TMEM132C: variants seen among roughly 807,000 people sequenced by gnomAD.
TMEM132C encodes the protein transmembrane protein 132C.
A neutral mutation model predicts 61.4 loss-of-function variants in TMEM132C; 29 were observed. The ratio of observed to expected loss-of-function variants is 0.47; its 90% CI spans 0.35 to 0.64. The LOEUF is 0.64. Ranked by LOEUF, TMEM132C falls within the 30% of genes least tolerant of loss-of-function variation. The pLI, the probability that TMEM132C is intolerant of heterozygous loss-of-function variation, is 0.00. For missense variants in TMEM132C, 1,408 were observed against 1,476.9 expected (o/e 0.95, Z 0.76); for synonymous variants, 656 against 633.1 (o/e 1.04, Z -0.54).
intron 2 of TMEM132C, among the ~76,000 whole-genome samples, chr12:128,496,145 A>T (rs1002610825): frequency 6.6e-6 from 1 of 152,184 alleles, no homozygotes; most frequent in East Asian, 1.9e-4. Flanking sequence ...TTCTTTAAGA[A>T]TGTTGAATAT....
At chr12:128,572,315 G>A (rs1874919530) in intron 3 of TMEM132C, among the ~76,000 whole-genome samples, 1 of 146,218 alleles carries the variant, frequency 6.8e-6, no homozygotes, top group South Asian at 2.1e-4. Flanking sequence ...TCTCAGATTG[G>A]CCAGACCTGT....
At chr12:128,493,169 G>A (rs1475051215) in intron 2 of TMEM132C, among the ~76,000 whole-genome samples, 50 of 152,132 alleles carry the variant, frequency 3.3e-4, no homozygotes, top group Admixed American at 1.8e-3. Flanking sequence ...TAGATGTGTA[G>A]TATTATTTCT....
chr12:128,445,221 T>C (rs1402717284), intron 2 of TMEM132C, among the ~76,000 whole-genome samples: 2 of 152,272 alleles, frequency 1.3e-5, no homozygotes, highest in African/African-American at 2.4e-5. Flanking sequence ...ACAACTTTTT[T>C]CCCTCCAGAT....
At chr12:128,521,410 T>G (rs1448943117) in intron 2 of TMEM132C, among the ~76,000 whole-genome samples, 2 of 151,742 alleles carry the variant, frequency 1.3e-5, no homozygotes, top group Admixed American at 6.6e-5. Flanking sequence ...AACTCATCAT[T>G]TACATTAGGT....
chr12:128,402,736 C>T (rs1875210408), intron 1 of TMEM132C, among the ~76,000 whole-genome samples: 1 of 152,232 alleles, frequency 6.6e-6, no homozygotes, highest in Admixed American at 6.5e-5. Flanking sequence ...CTGAGCTTAA[C>T]TTGCGGAAAC....
chr12:128,271,194 C>T (rs1461176513), intron 1 of TMEM132C, among the ~76,000 whole-genome samples: 2 of 151,466 alleles, frequency 1.3e-5, no homozygotes, highest in African/African-American at 4.8e-5. Context: ...TTGGAGGTTG[C>T]AGTGAGCCAA....
chr12:128,689,941 G>A (rs149881463), intron 5 of TMEM132C, among the ~76,000 whole-genome samples: 1 of 152,316 alleles, frequency 6.6e-6, no homozygotes, highest in African/African-American at 2.4e-5. Context: ...GCTAGATGAC[G>A]ATTCAGGCCA....
At chr12:128,404,792 G>A (rs998992319) in intron 1 of TMEM132C, 1 of 152,244 alleles carries the variant, frequency 6.6e-6, no homozygotes, top group Non-Finnish European at 1.5e-5. Context: ...ATCCTGTCTG[G>A]GCACTGAGTG....
At chr12:128,395,377 C>T (rs55811680) in intron 1 of TMEM132C, among the ~76,000 whole-genome samples, 33,078 of 152,042 alleles carry the variant, frequency 0.22, 3,898 homozygotes, top group Middle Eastern at 0.27. Flanking sequence ...TATCCACTCT[C>T]GCCTCCCTCC....
At chr12:128,340,882 TTC>T (rs1872947705) in intron 1 of TMEM132C, among the ~76,000 whole-genome samples, 2 of 148,262 alleles carry the variant, frequency 1.3e-5, no homozygotes, top group African/African-American at 5.1e-5. Context: ...CCTTTCTTTT[TTC>T]TTTTTCTTTC....
intron 1 of TMEM132C, among the ~76,000 whole-genome samples, chr12:128,409,880 G>A (rs1022470471): frequency 3.3e-5 from 5 of 152,198 alleles, no homozygotes; most frequent in African/African-American, 4.8e-5. Flanking sequence ...CTTTCTCCCC[G>A]GCTAAGAAAG....
chr12:128,548,133 G>A (rs1042261062), intron 3 of TMEM132C, among the ~76,000 whole-genome samples: 21 of 152,168 alleles, frequency 1.4e-4, no homozygotes, highest in Non-Finnish European at 2.9e-4. Flanking sequence ...CAAGGGCTCT[G>A]AAAGTCATTC....
At chr12:128,447,385 G>A (rs1353833407) in intron 2 of TMEM132C, among the ~76,000 whole-genome samples, 3 of 152,180 alleles carry the variant, frequency 2.0e-5, no homozygotes, top group African/African-American at 4.8e-5. Context: ...ATAATTTGGT[G>A]CCATCAGGGA....
chr12:128,686,181 G>T (rs1381372596), intron 5 of TMEM132C, among the ~76,000 whole-genome samples: 2 of 152,128 alleles, frequency 1.3e-5, no homozygotes, highest in African/African-American at 2.4e-5. Flanking sequence ...AGTGTTGGCG[G>T]CACTGGGTGC....
At chr12:128,423,843 C>T (rs2136029500) in intron 2 of TMEM132C, among the ~76,000 whole-genome samples, 1 of 151,750 alleles carries the variant, frequency 6.6e-6, no homozygotes, top group African/African-American at 2.4e-5. Flanking sequence ...ACCATCCTGG[C>T]TAACATGGTG....
intron 1 of TMEM132C, among the ~76,000 whole-genome samples, chr12:128,372,862 G>A (rs766562773): frequency 6.6e-5 from 10 of 152,002 alleles, no homozygotes; most frequent in Non-Finnish European, 1.5e-4. Context: ...GAGTTTGTAC[G>A]TTTAAAACCA....
At chr12:128,687,356 G>A (rs1315739362) in intron 5 of TMEM132C, among the ~76,000 whole-genome samples, 2 of 152,092 alleles carry the variant, frequency 1.3e-5, no homozygotes, top group Non-Finnish European at 2.9e-5. Flanking sequence ...AAGATGTTGA[G>A]TACCATCATC....
chr12:128,427,061 C>T (rs1484887494), intron 2 of TMEM132C, among the ~76,000 whole-genome samples: 2 of 152,176 alleles, frequency 1.3e-5, no homozygotes, highest in Non-Finnish European at 2.9e-5. Context: ...ATGCTGGGTA[C>T]TCCAGTATTC....
At chr12:128,330,104 G>A (rs1157260102) in intron 1 of TMEM132C, among the ~76,000 whole-genome samples, 1 of 152,178 alleles carries the variant, frequency 6.6e-6, no homozygotes, top group South Asian at 2.1e-4. Context: ...CCAGTGAGTA[G>A]AAGATAGCAT....
Sources: allele counts gnomAD v4.1 joint callset (sites outside exome capture counted in the v4.1 genomes callset), GRCh38; gene constraint gnomAD v4.1.1; transcripts MANE v1.5; gene names NCBI Gene and HGNC (gene_info 2026-07-23, HGNC 2026-07-21).